Variants in MAPT observed in about 807,000 individuals in gnomAD.
MAPT encodes the protein microtubule associated protein tau.
Under a neutral mutation model 67.9 loss-of-function variants are expected in MAPT, and 34 were observed. That is an observed-to-expected ratio of 0.50 (90% CI 0.38 to 0.67). The LOEUF (loss-of-function observed/expected upper bound fraction) is 0.67, where lower values mean the gene tolerates loss of function less well. Ranked by LOEUF, MAPT falls within the 30% of genes least tolerant of loss-of-function variation. The pLI, the probability that MAPT is intolerant of heterozygous loss-of-function variation, is 0.00. For synonymous variants in MAPT, 456 were observed against 464.5 expected, an observed-to-expected ratio of 0.98 and a Z score of 0.23; for missense variants, 881 against 1,115.2, an observed-to-expected ratio of 0.79 and a Z score of 2.99.
chr17:45,947,682 C>T (rs2068646660), intron 1 of MAPT, among the ~76,000 whole-genome samples: 1 of 152,082 alleles, frequency 6.6e-6, no homozygotes, highest in South Asian at 2.1e-4. Context: ...GCCACCGCGC[C>T]TGGCCTTGCT....
At chr17:45,923,965 A>G (rs915768052) in intron 1 of MAPT, among the ~76,000 whole-genome samples, 3 of 152,230 alleles carry the variant, frequency 2.0e-5, no homozygotes, top group Admixed American at 1.3e-4. Context: ...AAGATGGGTA[A>G]AGTGCTTAGA....
At chr17:46,007,735 G>A (rs1168663791) in intron 9 of MAPT, among the ~76,000 whole-genome samples, 3 of 152,258 alleles carry the variant, frequency 2.0e-5, no homozygotes, top group East Asian at 3.9e-4. Context: ...GGCTCACAGG[G>A]AAAACTCATG....
intron 1 of MAPT, among the ~76,000 whole-genome samples, chr17:45,947,849 T>C (rs910680260): frequency 6.6e-6 from 1 of 152,162 alleles, no homozygotes; most frequent in African/African-American, 2.4e-5. Context: ...AAAATACTGT[T>C]TATTTTTCTT....
chr17:45,904,040 T>G (rs2063954436), intron 1 of MAPT, among the ~76,000 whole-genome samples: 1 of 24,444 alleles, frequency 4.1e-5, no homozygotes, highest in Non-Finnish European at 7.0e-5. Flanking sequence ...ATATATTATA[T>G]ATTTATATAT....
rs878889551 is a variant in MAPT at position 45,983,541 on chromosome 17, C to G, written c.962C>G (p.Pro321Arg). ...KASPAQDGRPPQTAAREATSI... is the reference protein window; with the variant it reads ...KASPAQDGRPRQTAAREATSI... ...TCCCCAGCCCAAGATGGGCGGCCTCCCCAGACAGCCGCCAGAGAAGCCACC... is the reference window on the plus strand; with the variant it reads ...TCCCCAGCCCAAGATGGGCGGCCTCGCCAGACAGCCGCCAGAGAAGCCACC... The change falls in exon 5 of 13, where the codon CCC (proline) becomes CGC (arginine). Residue 321 changes from proline to arginine, a missense_variant. This residue lies in a region of MAPT where 687 missense variants were observed against 766.1 expected (regional missense o/e 0.90). Transcript: ENST00000262410. 2 of 1,612,886 alleles carry G rather than the reference C, an allele frequency of 1.2e-6. No homozygotes were observed. The highest frequency in any genetic ancestry group is 1.1e-5 in the South Asian group (1 of 91,088).
intron 8 of MAPT, among the ~76,000 whole-genome samples, chr17:45,994,994 G>A (rs1453612912): frequency 6.6e-6 from 1 of 152,054 alleles, no homozygotes; most frequent in African/African-American, 2.4e-5. Flanking sequence ...GTTGCAGTGA[G>A]CCGAGATCAC....
At chr17:45,932,716 G>A (rs939583741) in intron 1 of MAPT, among the ~76,000 whole-genome samples, 17 of 151,738 alleles carry the variant, frequency 1.1e-4, no homozygotes, top group Admixed American at 2.0e-4. Context: ...AGAAAAAAAA[G>A]TTTATTAAAG....
intron 3 of MAPT, among the ~76,000 whole-genome samples, chr17:45,972,342 C>G (rs141984582): frequency 1.5e-3 from 227 of 152,304 alleles, no homozygotes; most frequent in African/African-American, 5.3e-3. Context: ...GGTTTAGTAT[C>G]CTTCATTTTG....
intron 1 of MAPT, among the ~76,000 whole-genome samples, chr17:45,900,929 G>C (rs55691306): frequency 0.14 from 21,838 of 152,222 alleles, 2,145 homozygotes; most frequent in Middle Eastern, 0.22. Flanking sequence ...TCAGTAAATG[G>C]CATCATCGGC....
intron 9 of MAPT, among the ~76,000 whole-genome samples, chr17:46,000,464 G>T (rs1280863216): frequency 6.6e-6 from 1 of 152,188 alleles, no homozygotes. Context: ...GCTGGGTGGG[G>T]TGCCAGGCAG....
chr17:45,985,791 G>C, intron 5 of MAPT: 1 of 933,976 alleles, frequency 1.1e-6, no homozygotes, highest in South Asian at 4.9e-5. Context: ...AGGTTCCCAG[G>C]TGCCACTTTA....
intron 1 of MAPT, among the ~76,000 whole-genome samples, chr17:45,904,274 T>A (rs867739524): frequency 1.3e-4 from 6 of 47,528 alleles, no homozygotes; most frequent in African/African-American, 3.2e-4. Context: ...ATATATATTT[T>A]TATATATATA....
At chr17:45,968,829 T>C (rs896115433) in intron 2 of MAPT, among the ~76,000 whole-genome samples, 3 of 152,214 alleles carry the variant, frequency 2.0e-5, no homozygotes, top group Admixed American at 6.5e-5. Context: ...CTGCCACTTA[T>C]TGGGGACGTC....
chr17:45,956,419 G>C (rs1457690478), intron 1 of MAPT, among the ~76,000 whole-genome samples: 1 of 151,934 alleles, frequency 6.6e-6, no homozygotes, highest in East Asian at 1.9e-4. Flanking sequence ...AAAGGGAGCT[G>C]CTCTCTCTAG....
At chr17:45,931,857 C>G (rs1399052573) in intron 1 of MAPT, 1 of 152,010 alleles carries the variant, frequency 6.6e-6, no homozygotes, top group African/African-American at 2.4e-5. Context: ...GAGGCTGAGG[C>G]AGGCATATCG....
At chr17:46,021,264 C>T (rs1484567241) in intron 12 of MAPT, among the ~76,000 whole-genome samples, 5 of 152,300 alleles carry the variant, frequency 3.3e-5, no homozygotes, top group Non-Finnish European at 5.9e-5. Flanking sequence ...TACTTTTCAG[C>T]GGCTGGGTCG....
intron 3 of MAPT, among the ~76,000 whole-genome samples, chr17:45,972,537 G>A (rs2071823283): frequency 6.6e-6 from 1 of 152,210 alleles, no homozygotes; most frequent in Non-Finnish European, 1.5e-5. Flanking sequence ...AGTCAAGACT[G>A]CATTTGGCTG....
chr17:45,919,634 G>T (rs1448870965), intron 1 of MAPT, among the ~76,000 whole-genome samples: 3 of 152,258 alleles, frequency 2.0e-5, no homozygotes, highest in Admixed American at 6.5e-5. Flanking sequence ...GGGTTGGGGC[G>T]CAGTGGCTCA....
chr17:45,928,969 GA>G (rs1296867328), intron 1 of MAPT, among the ~76,000 whole-genome samples: 1 of 152,104 alleles, frequency 6.6e-6, no homozygotes, highest in African/African-American at 2.4e-5. Flanking sequence ...AGAGTGCTGG[GA>G]TTACAGGCAT....
Sources: allele counts gnomAD v4.1 joint callset (sites outside exome capture counted in the v4.1 genomes callset), GRCh38; gene constraint gnomAD v4.1.1; regional missense constraint gnomAD v4.1.1; transcripts MANE v1.5; gene names NCBI Gene and HGNC (gene_info 2026-07-23, HGNC 2026-07-21).